FLVCR2: variants seen among roughly 807,000 people sequenced by gnomAD.
FLVCR2 encodes the protein choline/ethanolamine transporter FLVCR2.
A neutral mutation model predicts 48.9 loss-of-function variants in FLVCR2; 38 were observed. The ratio of observed to expected loss-of-function variants is 0.78; its 90% CI spans 0.60 to 1.02. The LOEUF (loss-of-function observed/expected upper bound fraction) is 1.02. FLVCR2 is among the 50% of genes least tolerant of loss of function. FLVCR2 has a pLI of 0.00. For synonymous variants in FLVCR2, 255 were observed against 257.0 expected, an observed-to-expected ratio of 0.99 and a Z score of 0.07; for missense variants, 664 against 663.3, an observed-to-expected ratio of 1.00 and a Z score of -0.01.
At chr14:75,603,151 C>A (rs1458153296) in intron 1 of FLVCR2, among the ~76,000 whole-genome samples, 2 of 152,190 alleles carry the variant, frequency 1.3e-5, no homozygotes, top group African/African-American at 4.8e-5. Flanking sequence ...CAGAGAAATT[C>A]TAGGCAGAAA....
intron 1 of FLVCR2, among the ~76,000 whole-genome samples, chr14:75,601,974 C>A (rs1889177580): frequency 6.6e-6 from 1 of 152,184 alleles, no homozygotes; most frequent in Non-Finnish European, 1.5e-5. Flanking sequence ...ACTCACAGAA[C>A]TCAGGAAAAC....
At chr14:75,632,687 G>A in intron 3 of FLVCR2, 1 of 702,370 alleles carries the variant, frequency 1.4e-6, no homozygotes, top group Non-Finnish European at 2.6e-6. Context: ...ACCCTTCCAA[G>A]TAAATCTAAT....
At chr14:75,585,556 G>A (rs1245441924) in intron 1 of FLVCR2, among the ~76,000 whole-genome samples, 5 of 152,168 alleles carry the variant, frequency 3.3e-5, no homozygotes, top group African/African-American at 1.2e-4. Flanking sequence ...ACACAGAGAA[G>A]GGGGTGGGGA....
Position 75,579,491 on chromosome 14 carries a change from G to GC in FLVCR2, c.521dup (p.His175AlafsTer35). The GC allele has an allele frequency of 6.2e-7, 1 of 1,612,992 alleles. No individual in the cohort carries two copies. ...CCTGGGTGAAGCTGGGCAGCCTGAA[G>GC]CCGCATCTCTTTCCGGTCACCGTGG... On this transcript the variant is annotated frameshift_variant, in exon 1 of 10. Coordinates refer to ENST00000238667, the MANE Select transcript of FLVCR2 (RefSeq NM_017791.3). LOFTEE classifies it high-confidence loss of function.
chr14:75,618,954 T>C (rs1483388052), intron 1 of FLVCR2, among the ~76,000 whole-genome samples: 2 of 151,612 alleles, frequency 1.3e-5, no homozygotes, highest in African/African-American at 4.9e-5. Flanking sequence ...CTGGGTGCAG[T>C]GGCTCACGCC....
At position 75,610,453 on chromosome 14, in the gene FLVCR2, T is replaced by C. The variant is rs544629339; in HGVS notation, c.670-11626T>C. Among the ~76,000 whole-genome samples the C allele has an allele frequency of 2.2e-4, 13 of 60,072 alleles. No individual in the cohort carries two copies. In the South Asian group the frequency reaches 9.5e-3, roughly 44 times the overall value. 39.4% of individuals were successfully genotyped at this position (60,072 alleles called of 152,430 possible). A position where few individuals can be genotyped will look rare whatever the true frequency, so the allele number is the denominator to read the frequency against. On this transcript the variant is annotated intron_variant, in intron 1 of 9. Coordinates refer to ENST00000238667, the MANE Select transcript of FLVCR2 (RefSeq NM_017791.3). ...AAAACACGGCCTTTGTCAGTGTTCC[T>C]TTTTTTTTCTTTAATCAGAAAACTT...
chr14:75,647,514 T>C lies in FLVCR2; in HGVS notation c.*1042T>C, dbSNP rs1302728842. 6.5e-6 allele frequency: 1 copy of C among 152,696 alleles called. No homozygotes were observed. Among genetic ancestry groups the C allele is most frequent in the Non-Finnish European group, 1.5e-5 (1 of 68,060 alleles). 9.5% of individuals were successfully genotyped at this position (152,696 alleles called of 1,614,324 possible). ...TGCCCCTTGAAATGGGAATTGAGCC[T>C]GTTAGAATTAAAAGCTTATCTCACC... On this transcript the variant is annotated 3_prime_UTR_variant, in exon 10 of 10. Coordinates refer to ENST00000238667, the MANE Select transcript of FLVCR2 (RefSeq NM_017791.3).
chr14:75,631,367 A>G (rs1046573511), intron 3 of FLVCR2, among the ~76,000 whole-genome samples: 3 of 152,224 alleles, frequency 2.0e-5, no homozygotes, highest in Admixed American at 6.5e-5. Context: ...TTTCTGCTGC[A>G]GTAGGTCTGG....
chr14:75,628,841 G>T (rs1889969270), intron 3 of FLVCR2, among the ~76,000 whole-genome samples: 1 of 152,224 alleles, frequency 6.6e-6, no homozygotes, highest in African/African-American at 2.4e-5. Flanking sequence ...CTGAATGGAA[G>T]TGAAAGCTTT....
At position 75,647,424 on chromosome 14, in the gene FLVCR2, T is replaced by G. The variant is rs747845375; in HGVS notation, c.*952T>G. On this transcript the variant is annotated 3_prime_UTR_variant, in exon 10 of 10. Coordinates refer to ENST00000238667, the MANE Select transcript of FLVCR2 (RefSeq NM_017791.3). ...AACCTTTGCTGAAAACTAATCTTGATTCATTCTACTCTGAAAATCCAAAGG... is the reference window on the plus strand; with the variant it reads ...AACCTTTGCTGAAAACTAATCTTGAGTCATTCTACTCTGAAAATCCAAAGG... 6.6e-6 allele frequency: 1 copy of G among 152,328 alleles called. No individual in the cohort carries two copies. The highest frequency in any genetic ancestry group is 1.5e-5 in the Non-Finnish European group (1 of 68,028). 9.4% of individuals were successfully genotyped at this position (152,328 alleles called of 1,614,324 possible).
At position 75,624,753 on chromosome 14, in the gene FLVCR2, G is replaced by A; in HGVS notation, c.952+1G>A. 3.1e-6 allele frequency: 5 copies of A among 1,614,070 alleles called. No homozygotes were observed. The highest frequency in any genetic ancestry group is 4.2e-6 in the Non-Finnish European group (5 of 1,180,010). On this transcript the variant is annotated splice_donor_variant, in intron 3 of 9. Transcript: ENST00000238667. LOFTEE classifies it high-confidence loss of function. ...TTTGTGCTGCTTGTCATCACCTATG[G>A]TAAGGTGTCAATGTGTCTAGGAATG...
chr14:75,636,484 C>G (rs989632138), intron 5 of FLVCR2, among the ~76,000 whole-genome samples: 2 of 152,104 alleles, frequency 1.3e-5, no homozygotes, highest in Non-Finnish European at 2.9e-5. Flanking sequence ...TGCTCTGCGG[C>G]AGGAGGAGGG....
At chr14:75,597,954 C>T (rs944690407) in intron 1 of FLVCR2, among the ~76,000 whole-genome samples, 1 of 152,068 alleles carries the variant, frequency 6.6e-6, no homozygotes, top group Admixed American at 6.5e-5. Context: ...GAGCAGCATG[C>T]ATGGGAAAAG....
intron 3 of FLVCR2, chr14:75,632,506 T>A: frequency 1.6e-6 from 1 of 637,134 alleles, no homozygotes; most frequent in South Asian, 1.8e-5. Flanking sequence ...TAGTGGTGCC[T>A]GTGAGCATTA....
At chr14:75,616,446 T>C (rs1889619625) in intron 1 of FLVCR2, among the ~76,000 whole-genome samples, 1 of 152,206 alleles carries the variant, frequency 6.6e-6, no homozygotes, top group Non-Finnish European at 1.5e-5. Context: ...TCAGGGACTC[T>C]GGTGCAAAGA....
chr14:75,587,162 T>C (rs1888771247), intron 1 of FLVCR2, among the ~76,000 whole-genome samples: 1 of 152,202 alleles, frequency 6.6e-6, no homozygotes, highest in Non-Finnish European at 1.5e-5. Flanking sequence ...TTGGTGAAAT[T>C]GTCCCCATTG....
At chr14:75,587,657 T>A (rs975746299) in intron 1 of FLVCR2, among the ~76,000 whole-genome samples, 31 of 152,200 alleles carry the variant, frequency 2.0e-4, no homozygotes, top group African/African-American at 7.5e-4. Flanking sequence ...CAGCCTGGAA[T>A]TTTTAGCAAC....
intron 1 of FLVCR2, among the ~76,000 whole-genome samples, chr14:75,599,964 A>G (rs1362008129): frequency 6.6e-6 from 1 of 152,198 alleles, no homozygotes; most frequent in Non-Finnish European, 1.5e-5. Flanking sequence ...CATCTTGAAT[A>G]GGGGCTGGGT....
chr14:75,608,116 A>C (rs1196529067), intron 1 of FLVCR2, among the ~76,000 whole-genome samples: 1 of 152,204 alleles, frequency 6.6e-6, no homozygotes, highest in East Asian at 1.9e-4. Context: ...GTAGAATAAA[A>C]AGGGCTTCTC....
Sources: gnomAD v4.1 joint callset for allele counts (sites outside exome capture counted in the v4.1 genomes callset) on GRCh38, gnomAD v4.1.1 for gene constraint, MANE v1.5 for transcripts, NCBI Gene and HGNC (gene_info 2026-07-23, HGNC 2026-07-21) for gene names.